NSD2: variants seen among roughly 807,000 people sequenced by gnomAD.
The protein encoded by NSD2 is nuclear receptor binding SET domain protein 2, also known as histone-lysine N-methyltransferase NSD2.
Under a neutral mutation model 139.0 loss-of-function variants are expected in NSD2, and 12 were observed. The ratio of observed to expected loss-of-function variants is 0.09; its 90% CI spans 0.06 to 0.14. The LOEUF (loss-of-function observed/expected upper bound fraction) is 0.14. NSD2 is among the 10% of genes least tolerant of loss of function. NSD2 has a pLI of 1.00. For synonymous variants in NSD2, 669 were observed against 648.7 expected (o/e 1.03, Z -0.48); for missense variants, 1,155 against 1,745.0 (o/e 0.66, Z 6.02).
At chr4:1,882,626 T>A (rs1714787475) in intron 1 of NSD2, among the ~76,000 whole-genome samples, 1 of 152,118 alleles carries the variant, frequency 6.6e-6, no homozygotes, top group African/African-American at 2.4e-5. Flanking sequence ...ATCGCGCCAC[T>A]GCACTCCAGC....
In NSD2 at chr4:1,978,705, C is replaced by T. The variant is rs374709418; in HGVS notation, c.3894C>T (p.Leu1298=). The T allele has an allele frequency of 5.0e-6, 8 of 1,614,160 alleles. No individual in the cohort carries two copies. Among genetic ancestry groups the T allele is most frequent in the Non-Finnish European group, 6.8e-6 (8 of 1,180,008 alleles). Reference sequence around the variant, plus strand: ...AACCTTCGACTTCATTTTGCCACCTCTGCCCCAATTCGTTCTGTAAGGAGC... The same window carrying T: ...AACCTTCGACTTCATTTTGCCACCTTTGCCCCAATTCGTTCTGTAAGGAGC... ...CGKPSTSFCH[L]CPNSFCKEHQ... is the part of the protein sequence containing the mutation. The change falls in exon 22 of 22, where the codon CTC becomes CTT. Residue 1298 remains leucine, a synonymous_variant. Coordinates refer to ENST00000508803, the MANE Select transcript of NSD2 (RefSeq NM_001042424.3).
chr4:1,884,622 G>T (rs1714944262), intron 1 of NSD2, among the ~76,000 whole-genome samples: 1 of 151,896 alleles, frequency 6.6e-6, no homozygotes, highest in Admixed American at 6.6e-5. Context: ...TCGATCTCCT[G>T]ACCTCACGAT....
At chr4:1,909,930 C>T (rs916622083) in intron 3 of NSD2, among the ~76,000 whole-genome samples, 3 of 151,050 alleles carry the variant, frequency 2.0e-5, no homozygotes, top group Non-Finnish European at 2.9e-5. Context: ...TGAGTCACCG[C>T]GCCCGGCACC....
chr4:1,965,344 A>G (rs1348769360), intron 18 of NSD2, among the ~76,000 whole-genome samples: 1 of 152,230 alleles, frequency 6.6e-6, no homozygotes, highest in Non-Finnish European at 1.5e-5. Context: ...AGAAAAGAAG[A>G]TTGAAGAAAA....
chr4:1,944,406 A>G (rs1217629291), intron 9 of NSD2: 14 of 1,065,414 alleles, frequency 1.3e-5, no homozygotes, highest in Non-Finnish European at 1.5e-5. Context: ...ATGGTGATAC[A>G]TTCTAGCCTT....
chr4:1,935,242 G>A lies in NSD2; in HGVS notation c.1654G>A (p.Asp552Asn). Residue 552 changes from aspartate (D) to asparagine (N), a missense_variant, in exon 7 of 22, where the codon GAC becomes AAC. Transcript: ENST00000508803. ...CACACCCAGGAAAAGACTCAGGACG[G>A]ACAAGCACAGTCTTCGGAAGGTAAT... The part of the protein sequence containing the change: ...EDTPRKRLRT[D>N]KHSLRKRDTI... 6.2e-7 allele frequency: 1 copy of A among 1,612,988 alleles called. No individual in the cohort carries two copies. The highest frequency in any genetic ancestry group is 1.1e-5 in the South Asian group (1 of 90,928).
At chr4:1,891,736 A>G (rs1393047507) in intron 1 of NSD2, among the ~76,000 whole-genome samples, 1 of 151,918 alleles carries the variant, frequency 6.6e-6, no homozygotes, top group Non-Finnish European at 1.5e-5. Context: ...CGGCACCTGT[A>G]GTTCCAGCTA....
chr4:1,928,848 T>G (rs933854905), intron 5 of NSD2, among the ~76,000 whole-genome samples: 1 of 151,950 alleles, frequency 6.6e-6, no homozygotes, highest in African/African-American at 2.4e-5. Flanking sequence ...AAACTTCCAC[T>G]GGTTGAAGAG....
chr4:1,970,272 G>A (rs1300956247), intron 18 of NSD2, among the ~76,000 whole-genome samples: 2 of 152,268 alleles, frequency 1.3e-5, no homozygotes, highest in African/African-American at 2.4e-5. Context: ...ATAGGGCCAA[G>A]TGGAGGCTGT....
chr4:1,927,055 C>G (rs1035483624), intron 5 of NSD2, among the ~76,000 whole-genome samples: 2 of 152,146 alleles, frequency 1.3e-5, no homozygotes, highest in African/African-American at 4.8e-5. Flanking sequence ...CTACATCATC[C>G]TAAGGCTTGA....
chr4:1,974,398 G>A lies in NSD2; in HGVS notation c.3373-465G>A, dbSNP rs1726842021. Among the ~76,000 whole-genome samples, 2 of 152,264 alleles carry A rather than the reference G, an allele frequency of 1.3e-5. No individual in the cohort carries two copies. The highest frequency in any genetic ancestry group is 2.1e-4 in the South Asian group (1 of 4,822). ...GCTAATTTTTTTTGTATTTTTAGTAGAGATGGGGGTTCACCATGTTGGCTA... is the reference window on the plus strand; with the variant it reads ...GCTAATTTTTTTTGTATTTTTAGTAAAGATGGGGGTTCACCATGTTGGCTA... On this transcript the variant is annotated intron_variant, in intron 18 of 21. Coordinates refer to ENST00000508803, the MANE Select transcript of NSD2 (RefSeq NM_001042424.3). The surrounding 1 kb of genome is among the most constrained non-coding windows in gnomAD (Gnocchi z 4.0).
In NSD2 at chr4:1,952,186, T is replaced by C; in HGVS notation, c.2092T>C (p.Ser698Pro). The C allele has an allele frequency of 6.2e-7, 1 of 1,614,082 alleles. No individual in the cohort carries two copies. ...GAFHLACLGLSRRPEGRFTCS... is the reference protein window; with the variant it reads ...GAFHLACLGLPRRPEGRFTCS... Reference sequence around the variant, plus strand: ...TTTCCACCTCGCCTGCCTTGGGCTTTCCCGGAGGCCAGAAGGGAGGTTCAC... The same window carrying C: ...TTTCCACCTCGCCTGCCTTGGGCTTCCCCGGAGGCCAGAAGGGAGGTTCAC... The change falls in exon 11 of 22, where the codon TCC becomes CCC. Residue 698 changes from serine (S) to proline (P), a missense_variant. Ser to Pro is a moderately conservative substitution (Grantham distance 74). Around this residue, in one of 8 missense-constraint regions of NSD2, gnomAD observed 120 missense variants for 239.3 expected, o/e 0.50. Coordinates refer to ENST00000508803, the MANE Select transcript of NSD2 (RefSeq NM_001042424.3).
At chr4:1,953,153 C>CT in intron 11 of NSD2, 171 bp from the exon 12 acceptor site, 1 of 1,551,110 alleles carries the variant, frequency 6.4e-7, no homozygotes, top group Non-Finnish European at 8.7e-7. Flanking sequence ...ATGGCTGGAT[C>CT]TTTTTGCTGG....
chr4:1,915,715 T>G (rs561928940), intron 3 of NSD2, among the ~76,000 whole-genome samples: 1 of 152,304 alleles, frequency 6.6e-6, no homozygotes, highest in South Asian at 2.1e-4. Context: ...GAGGGTCTGA[T>G]TGGCCATTGA....
At chr4:1,886,666 C>G (rs1715138114) in intron 1 of NSD2, among the ~76,000 whole-genome samples, 4 of 151,978 alleles carry the variant, frequency 2.6e-5, no homozygotes, top group Non-Finnish European at 5.9e-5. Context: ...CCCGTCTCTA[C>G]TAAAATACAC....
chr4:1,976,953 G>T lies in NSD2; in HGVS notation c.3826+274G>T, dbSNP rs979636824. Among the ~76,000 whole-genome samples the T allele has an allele frequency of 6.6e-6, 1 of 152,270 alleles. No individual in the cohort carries two copies. The highest frequency in any genetic ancestry group is 1.5e-5 in the Non-Finnish European group (1 of 68,040). On this transcript the variant is annotated intron_variant, in intron 21 of 21. Coordinates refer to ENST00000508803, the MANE Select transcript of NSD2 (RefSeq NM_001042424.3). The surrounding 1 kb of genome is among the most constrained non-coding windows in gnomAD (Gnocchi z 5.3). ...TCAGGCAGCCCAAGGCCCAGCTGCAGAATTGGGGCCCTCATCCATGCTGTG... is the reference window on the plus strand; with the variant it reads ...TCAGGCAGCCCAAGGCCCAGCTGCATAATTGGGGCCCTCATCCATGCTGTG...
intron 6 of NSD2, among the ~76,000 whole-genome samples, chr4:1,933,191 G>A (rs974915092): frequency 2.6e-5 from 4 of 152,202 alleles, no homozygotes; most frequent in Non-Finnish European, 5.9e-5. Flanking sequence ...CTCTTCTTGC[G>A]CATTGGGCTC....
At chr4:1,920,632 G>A (rs1347984640) in intron 5 of NSD2, among the ~76,000 whole-genome samples, 2 of 152,132 alleles carry the variant, frequency 1.3e-5, no homozygotes, top group Non-Finnish European at 2.9e-5. Flanking sequence ...CTCCTTGGGA[G>A]GTTGAGGTGG....
chr4:1,890,333 C>T (rs1189343302), intron 1 of NSD2, among the ~76,000 whole-genome samples: 1 of 151,768 alleles, frequency 6.6e-6, no homozygotes, highest in African/African-American at 2.4e-5. Context: ...GCGTCTCGCT[C>T]TGTCGCCTAG....
Sources: gnomAD v4.1 joint callset for allele counts (sites outside exome capture counted in the v4.1 genomes callset) on GRCh38, gnomAD v4.1.1 for gene constraint, gnomAD v4.1.1 regional missense constraint, Gnocchi (gnomAD v3.1) non-coding constraint, MANE v1.5 for transcripts, NCBI Gene and HGNC (gene_info 2026-07-23, HGNC 2026-07-21) for gene names.